The following NAALADL2 variants were observed in gnomAD, a reference collection of about 807,000 sequenced individuals.
NAALADL2 encodes inactive N-acetylated-alpha-linked acidic dipeptidase-like protein 2.
Under a neutral mutation model 87.2 loss-of-function variants are expected in NAALADL2, and 76 were observed. That is an observed-to-expected ratio of 0.87 (90% CI 0.72 to 1.05). NAALADL2 has a LOEUF of 1.05. Ranked by LOEUF, NAALADL2 falls within the 50% of genes least tolerant of loss-of-function variation. The pLI, the probability that NAALADL2 is intolerant of heterozygous loss-of-function variation, is 0.00. For missense variants in NAALADL2, 1,089 were observed against 945.8 expected, an observed-to-expected ratio of 1.15 and a Z score of -1.99; for synonymous variants, 354 against 331.0, an observed-to-expected ratio of 1.07 and a Z score of -0.75.
chr3:175,387,985 CT>C (rs2149008432), intron 5 of NAALADL2, among the ~76,000 whole-genome samples: 1 of 152,024 alleles, frequency 6.6e-6, no homozygotes, highest in Non-Finnish European at 1.5e-5. Context: ...TCCTAAATTC[CT>C]TAGGGGATTT....
At chr3:175,370,172 G>A (rs114892183) in intron 5 of NAALADL2, among the ~76,000 whole-genome samples, 1 of 152,050 alleles carries the variant, frequency 6.6e-6, no homozygotes. Context: ...AAAAAAAGAC[G>A]TTTTATCTTA....
chr3:174,596,330 T>A (rs886863544), intron 2 of NAALADL2, among the ~76,000 whole-genome samples: 1 of 152,164 alleles, frequency 6.6e-6, no homozygotes. Context: ...AATCCATAAC[T>A]CCTTGATTAT....
intron 2 of NAALADL2, among the ~76,000 whole-genome samples, chr3:175,207,583 G>T (rs1333718958): frequency 6.6e-6 from 1 of 152,010 alleles, no homozygotes; most frequent in Admixed American, 6.6e-5. Flanking sequence ...TTACTAAGAG[G>T]CATCTTTTGG....
intron 2 of NAALADL2, among the ~76,000 whole-genome samples, chr3:174,625,051 C>CTTT: frequency 1.2e-5 from 1 of 80,448 alleles, no homozygotes; most frequent in Non-Finnish European, 2.1e-5. Flanking sequence ...CTATCTCTCT[C>CTTT]TCTCTCTTTT....
chr3:175,404,932 A>G (rs1712041375), intron 5 of NAALADL2, among the ~76,000 whole-genome samples: 2 of 152,142 alleles, frequency 1.3e-5, no homozygotes, highest in Admixed American at 1.3e-4. Context: ...CCAGGAAAAT[A>G]TTTTAATTTT....
At chr3:175,367,243 T>C (rs1217310983) in intron 5 of NAALADL2, among the ~76,000 whole-genome samples, 1 of 151,916 alleles carries the variant, frequency 6.6e-6, no homozygotes, top group Non-Finnish European at 1.5e-5. Flanking sequence ...ACCAGTTCCA[T>C]GCTGTTTTGG....
intron 2 of NAALADL2, among the ~76,000 whole-genome samples, chr3:175,218,634 T>C (rs998434057): frequency 5.9e-5 from 9 of 152,148 alleles, no homozygotes; most frequent in African/African-American, 2.2e-4. Context: ...ATCATGAATT[T>C]GTCTATTTCT....
At chr3:175,482,594 C>A (rs1726644897) in intron 9 of NAALADL2, among the ~76,000 whole-genome samples, 1 of 151,866 alleles carries the variant, frequency 6.6e-6, no homozygotes, top group Non-Finnish European at 1.5e-5. Flanking sequence ...GTTCACAATT[C>A]ACACAGATTT....
intron 1 of NAALADL2, chr3:174,536,608 C>T (rs1721747925): frequency 6.6e-6 from 1 of 152,138 alleles, no homozygotes; most frequent in Non-Finnish European, 1.5e-5. Context: ...GTCTTTGCTA[C>T]TCTCTGTTTT....
At chr3:174,911,461 T>C (rs1733695413) in intron 1 of NAALADL2, among the ~76,000 whole-genome samples, 1 of 152,052 alleles carries the variant, frequency 6.6e-6, no homozygotes, top group Non-Finnish European at 1.5e-5. Context: ...AGGCAGTGGA[T>C]GGAAGTGATT....
At chr3:174,694,014 TC>T (rs1728811148) in intron 2 of NAALADL2, among the ~76,000 whole-genome samples, 1 of 152,184 alleles carries the variant, frequency 6.6e-6, no homozygotes, top group South Asian at 2.1e-4. Flanking sequence ...TATATTCTTT[TC>T]TACTAGTGTC....
At chr3:174,973,714 C>G (rs991744454) in intron 1 of NAALADL2, among the ~76,000 whole-genome samples, 4 of 152,160 alleles carry the variant, frequency 2.6e-5, no homozygotes, top group Non-Finnish European at 5.9e-5. Context: ...ATAGCCTGTT[C>G]CTCCTGTGGT....
At chr3:175,070,903 A>T (rs547552820) in intron 1 of NAALADL2, among the ~76,000 whole-genome samples, 10 of 152,162 alleles carry the variant, frequency 6.6e-5, no homozygotes, top group African/African-American at 2.4e-4. Context: ...GTGCTTTCCT[A>T]TGTTTGTGAA....
intron 2 of NAALADL2, among the ~76,000 whole-genome samples, chr3:174,635,816 T>C (rs1722588453): frequency 6.6e-6 from 1 of 152,158 alleles, no homozygotes; most frequent in South Asian, 2.1e-4. Flanking sequence ...ATTCACATTG[T>C]TATTGTTTAC....
In NAALADL2 at chr3:175,241,102, T is replaced by G. The variant is rs1195861464; in HGVS notation, c.819+6898T>G. ...TGAATGCAGCTGTTATTCATTTTTT[T>G]TAAATCTGCATACAGTCCCTTGGTC... is the stretch of plus-strand genomic sequence containing the variant. On this transcript the variant is annotated intron_variant, in intron 3 of 13. Coordinates refer to ENST00000454872, the MANE Select transcript of NAALADL2 (RefSeq NM_207015.3). Among the ~76,000 whole-genome samples the G allele has an allele frequency of 2.0e-5, 3 of 152,244 alleles. No individual in the cohort carries two copies. The East Asian group carries it at 5.8e-4, about 29-fold the overall frequency.
chr3:175,303,050 G>A (rs1757285210), intron 4 of NAALADL2, among the ~76,000 whole-genome samples: 1 of 152,052 alleles, frequency 6.6e-6, no homozygotes, highest in Non-Finnish European at 1.5e-5. Flanking sequence ...TATGGTTTTA[G>A]GTGAAAATCA....
At chr3:175,735,949 T>G (rs1744445187) in intron 11 of NAALADL2, among the ~76,000 whole-genome samples, 1 of 152,236 alleles carries the variant, frequency 6.6e-6, no homozygotes, top group African/African-American at 2.4e-5. Flanking sequence ...GACAATGTTT[T>G]TCATTCACTA....
chr3:174,745,652 C>A (rs1412193464), intron 3 of NAALADL2, among the ~76,000 whole-genome samples: 2 of 151,976 alleles, frequency 1.3e-5, no homozygotes, highest in Non-Finnish European at 2.9e-5. Flanking sequence ...AAGAAAACTT[C>A]AGCCAATATC....
At chr3:174,536,045 C>T (rs1401003490) in intron 1 of NAALADL2, among the ~76,000 whole-genome samples, 1 of 152,000 alleles carries the variant, frequency 6.6e-6, no homozygotes, top group Non-Finnish European at 1.5e-5. Context: ...TCCTTAGGAA[C>T]ATCAAATATA....
Sources: allele counts gnomAD v4.1 joint callset (sites outside exome capture counted in the v4.1 genomes callset), GRCh38; gene constraint gnomAD v4.1.1; transcripts MANE v1.5; gene names NCBI Gene and HGNC (gene_info 2026-07-23, HGNC 2026-07-21).